Variants in SDK1 observed in about 807,000 individuals in gnomAD.
SDK1 encodes the protein protein sidekick-1.
SDK1 carries 157 observed loss-of-function variants against 245.5 expected under a neutral mutation model. The ratio of observed to expected loss-of-function variants is 0.64; its 90% confidence interval spans 0.56 to 0.73. The LOEUF (loss-of-function observed/expected upper bound fraction) is 0.73. Ranked by LOEUF, SDK1 falls within the 30% of genes least tolerant of loss-of-function variation. SDK1 has a pLI of 0.00. For missense variants in SDK1, 3,583 were observed against 3,002.3 expected, an observed-to-expected ratio of 1.19 and a Z score of -4.52; for synonymous variants, 1,647 against 1,278.5, an observed-to-expected ratio of 1.29 and a Z score of -6.15.
intron 1 of SDK1, among the ~76,000 whole-genome samples, chr7:3,439,317 A>G (rs1340422751): frequency 5.3e-5 from 8 of 152,332 alleles, no homozygotes; most frequent in Non-Finnish European, 4.4e-5. Flanking sequence ...TTAAAAACCA[A>G]TAAAGCTAAT....
Position 3,775,989 on chromosome 7 carries a change from C to G in SDK1, c.714-45461C>G, listed in dbSNP as rs762508476. On this transcript the variant is annotated intron_variant, in intron 4 of 44. Coordinates refer to ENST00000404826, the MANE Select transcript of SDK1 (RefSeq NM_152744.4). ...GAAACGAGTGAATCTTCCACCAGTC[C>G]CTAACTGTGATCCTAATCACGTGTA... Among the ~76,000 whole-genome samples, 18 of 152,334 alleles carry G rather than the reference C, an allele frequency of 1.2e-4. No homozygotes were observed. In the South Asian group the frequency reaches 1.4e-3, roughly 12 times the overall value.
intron 25 of SDK1, among the ~76,000 whole-genome samples, chr7:4,121,496 C>T (rs1205162922): frequency 6.6e-6 from 1 of 152,186 alleles, no homozygotes; most frequent in African/African-American, 2.4e-5. Context: ...TGAGGAAGTT[C>T]CTTGCTTCCC....
At chr7:3,501,958 C>T (rs1000801242) in intron 1 of SDK1, among the ~76,000 whole-genome samples, 1 of 152,070 alleles carries the variant, frequency 6.6e-6, no homozygotes, top group African/African-American at 2.4e-5. Flanking sequence ...GGTGTTTATT[C>T]TTTAGAACTT....
At chr7:4,121,010 G>A (rs1406076805) in intron 25 of SDK1, among the ~76,000 whole-genome samples, 1 of 150,556 alleles carries the variant, frequency 6.6e-6, no homozygotes, top group Non-Finnish European at 1.5e-5. Context: ...ATTTCCAGCT[G>A]TTGAAAACCT....
intron 4 of SDK1, among the ~76,000 whole-genome samples, chr7:3,666,301 G>A (rs10237270): frequency 2.0e-5 from 3 of 152,132 alleles, no homozygotes; most frequent in South Asian, 2.1e-4. Context: ...AGGCAGCCAC[G>A]CTCAGCCTTG....
chr7:3,707,701 T>C (rs938471804), intron 4 of SDK1, among the ~76,000 whole-genome samples: 2 of 152,198 alleles, frequency 1.3e-5, no homozygotes, highest in African/African-American at 2.4e-5. Context: ...TTAGGTCTAA[T>C]AGTAAATGTT....
chr7:3,914,625 C>A (rs758285893), intron 5 of SDK1, among the ~76,000 whole-genome samples: 2 of 152,210 alleles, frequency 1.3e-5, no homozygotes, highest in Non-Finnish European at 2.9e-5. Context: ...GCTCAGTCAT[C>A]TTTCCCAACT....
chr7:3,686,109 C>G (rs1484978257), intron 4 of SDK1, among the ~76,000 whole-genome samples: 1 of 152,064 alleles, frequency 6.6e-6, no homozygotes, highest in African/African-American at 2.4e-5. Flanking sequence ...GAGTTTTGCT[C>G]TTGTTGCCCA....
intron 4 of SDK1, among the ~76,000 whole-genome samples, chr7:3,811,955 C>T (rs1779395226): frequency 6.6e-6 from 1 of 152,190 alleles, no homozygotes; most frequent in African/African-American, 2.4e-5. Context: ...GACTTTGCTG[C>T]CTGTGTGGCG....
chr7:3,823,168 A>G (rs1583451064), intron 5 of SDK1, among the ~76,000 whole-genome samples: 1 of 152,224 alleles, frequency 6.6e-6, no homozygotes, highest in African/African-American at 2.4e-5. Flanking sequence ...TGAGAATTAC[A>G]GTAGAAATGA....
intron 14 of SDK1, among the ~76,000 whole-genome samples, chr7:3,994,148 T>A (rs981352019): frequency 6.6e-6 from 1 of 152,166 alleles, no homozygotes; most frequent in Non-Finnish European, 1.5e-5. Flanking sequence ...GGATCTCATG[T>A]TAGTCCATGG....
chr7:3,820,039 T>C (rs1272740600), intron 4 of SDK1, among the ~76,000 whole-genome samples: 1 of 152,216 alleles, frequency 6.6e-6, no homozygotes, highest in Non-Finnish European at 1.5e-5. Flanking sequence ...CTAAGATGTT[T>C]CTCTTGTTTT....
intron 16 of SDK1, among the ~76,000 whole-genome samples, chr7:4,012,870 C>G (rs944080090): frequency 6.6e-6 from 1 of 152,062 alleles, no homozygotes; most frequent in Non-Finnish European, 1.5e-5. Context: ...AGGCACTGCA[C>G]CTGGCCTCAT....
intron 4 of SDK1, among the ~76,000 whole-genome samples, chr7:3,724,740 C>T (rs1209523195): frequency 6.6e-6 from 1 of 152,172 alleles, no homozygotes; most frequent in Non-Finnish European, 1.5e-5. Flanking sequence ...TGTCTACCAG[C>T]TCGCCTGCAG....
chr7:4,175,876 C>G, intron 34 of SDK1, 42 bp downstream of exon 34: 4 of 1,559,186 alleles, frequency 2.6e-6, no homozygotes, highest in Non-Finnish European at 3.5e-6. Flanking sequence ...GCGAGGCGCA[C>G]ACACTGTGCC....
At chr7:3,608,783 C>G (rs531669669) in intron 1 of SDK1, among the ~76,000 whole-genome samples, 2 of 152,336 alleles carry the variant, frequency 1.3e-5, no homozygotes, top group Non-Finnish European at 2.9e-5. Flanking sequence ...TATGCGGTTT[C>G]AGAGTCCGCG....
In SDK1 at chr7:3,560,263, CAATT is replaced by C. The variant is rs577239163; in HGVS notation, c.299-58811_299-58808del. 3.2e-4 allele frequency among the ~76,000 whole-genome samples: 48 copies of C among 152,174 alleles called. No individual in the cohort carries two copies. In the East Asian group the frequency reaches 9.1e-3, roughly 29 times the overall value. On this transcript the variant is annotated intron_variant, in intron 1 of 44. Coordinates refer to ENST00000404826, the MANE Select transcript of SDK1 (RefSeq NM_152744.4). ...ATTGCTTTTGAAAAATACAAATGTC[CAATT>C]AATTACATTTTATTGATGTACTGTC...
chr7:3,999,138 A>G (rs917846134), intron 14 of SDK1, among the ~76,000 whole-genome samples: 3 of 152,136 alleles, frequency 2.0e-5, no homozygotes, highest in Admixed American at 6.5e-5. Flanking sequence ...ACACACACAC[A>G]CACGCACACA....
chr7:4,010,615 C>G (rs1785869006), intron 14 of SDK1, among the ~76,000 whole-genome samples: 1 of 152,196 alleles, frequency 6.6e-6, no homozygotes, highest in African/African-American at 2.4e-5. Flanking sequence ...GGAGACAAAT[C>G]TGCAATCTGC....
Sources: allele counts gnomAD v4.1 joint callset (sites outside exome capture counted in the v4.1 genomes callset), GRCh38; gene constraint gnomAD v4.1.1; transcripts MANE v1.5; gene names NCBI Gene and HGNC (gene_info 2026-07-23, HGNC 2026-07-21).